Variants in PPM1H observed in about 807,000 individuals in gnomAD.
PPM1H encodes the protein protein phosphatase, Mg2+/Mn2+ dependent 1H, also known as protein phosphatase 1H.
A neutral mutation model predicts 54.9 loss-of-function variants in PPM1H; 27 were observed. The ratio of observed to expected loss-of-function variants is 0.49; its 90% CI spans 0.36 to 0.68. The LOEUF (loss-of-function observed/expected upper bound fraction) is 0.68. PPM1H is among the 30% of genes least tolerant of loss of function. The probability of loss-of-function intolerance (pLI) is 0.00; values close to 1 mark genes in which losing one functional copy is unlikely to be tolerated. For synonymous variants in PPM1H, 305 were observed against 270.8 expected (o/e 1.13, Z -1.24); for missense variants, 596 against 667.8 (o/e 0.89, Z 1.19).
At chr12:62,726,351 T>C (rs1315630315) in intron 5 of PPM1H, among the ~76,000 whole-genome samples, 2 of 152,204 alleles carry the variant, frequency 1.3e-5, no homozygotes, top group African/African-American at 2.4e-5. Flanking sequence ...TGTTTACACA[T>C]GTACAGTCAT....
intron 6 of PPM1H, among the ~76,000 whole-genome samples, chr12:62,717,826 C>T (rs1290402373): frequency 6.6e-6 from 1 of 152,140 alleles, no homozygotes; most frequent in Non-Finnish European, 1.5e-5. Flanking sequence ...AGTGACGATG[C>T]CTATTATCTC....
At chr12:62,761,072 C>T (rs1201083734) in intron 4 of PPM1H, among the ~76,000 whole-genome samples, 1 of 152,178 alleles carries the variant, frequency 6.6e-6, no homozygotes, top group Non-Finnish European at 1.5e-5. Context: ...CATGCAGGCT[C>T]CTTGACAGCA....
chr12:62,652,635 G>A (rs908329464), intron 9 of PPM1H, among the ~76,000 whole-genome samples: 5 of 152,082 alleles, frequency 3.3e-5, no homozygotes, highest in Non-Finnish European at 7.4e-5. Flanking sequence ...GATTGGAAGT[G>A]TTATTTCTAT....
At chr12:62,737,738 T>C (rs773839046) in intron 4 of PPM1H, among the ~76,000 whole-genome samples, 152 bp from the exon 5 acceptor site, 2 of 152,186 alleles carry the variant, frequency 1.3e-5, no homozygotes, top group Non-Finnish European at 2.9e-5. Context: ...CAGCTCTGAA[T>C]CCCTCACCAC....
intron 6 of PPM1H, among the ~76,000 whole-genome samples, chr12:62,717,415 T>C (rs1219254849): frequency 1.3e-5 from 2 of 151,770 alleles, no homozygotes; most frequent in Non-Finnish European, 2.9e-5. Flanking sequence ...AATAGCCCAT[T>C]TGTGGACTGT....
chr12:62,679,522 TTG>T (rs904659134), intron 8 of PPM1H, among the ~76,000 whole-genome samples: 3 of 152,294 alleles, frequency 2.0e-5, no homozygotes, highest in Admixed American at 2.0e-4. Flanking sequence ...GATACATGTT[TTG>T]TGAGGTCTGA....
intron 4 of PPM1H, among the ~76,000 whole-genome samples, chr12:62,763,531 T>C (rs551683741): frequency 6.6e-6 from 1 of 152,310 alleles, no homozygotes; most frequent in African/African-American, 2.4e-5. Flanking sequence ...ACAACACAAA[T>C]TGCTACAACC....
In PPM1H at chr12:62,664,051, GC is replaced by G. The variant is rs573718476; in HGVS notation, c.1397+3126del. On this transcript the variant is annotated intron_variant, in intron 9 of 9. Coordinates refer to ENST00000228705, the MANE Select transcript of PPM1H (RefSeq NM_020700.2). ...TATGCGAAGAATATAGACCGAACTA[GC>G]CAAGTAACACAAGTCAGCCCTTAGG... is the stretch of plus-strand genomic sequence containing the variant. Among the ~76,000 whole-genome samples, 34 of 150,106 alleles carry G rather than the reference GC, an allele frequency of 2.3e-4. 1 individual carries two copies. Among genetic ancestry groups the G allele is most frequent in the Middle Eastern group, 3.4e-3 (1 of 292 alleles).
chr12:62,726,727 G>T (rs912597298), intron 5 of PPM1H, among the ~76,000 whole-genome samples: 16 of 152,216 alleles, frequency 1.1e-4, no homozygotes, highest in African/African-American at 3.6e-4. Context: ...GGCCTGCCCA[G>T]AATTCAGGTG....
chr12:62,760,227 G>T (rs569917964), intron 4 of PPM1H, among the ~76,000 whole-genome samples: 3 of 152,114 alleles, frequency 2.0e-5, no homozygotes, highest in Non-Finnish European at 4.4e-5. Flanking sequence ...ATGGTCTGAG[G>T]TGCCTGACGT....
intron 2 of PPM1H, among the ~76,000 whole-genome samples, chr12:62,823,184 A>G (rs1276911930): frequency 1.3e-5 from 2 of 152,206 alleles, no homozygotes; most frequent in African/African-American, 4.8e-5. Context: ...CCCTCCCAAG[A>G]CTAAATTGGG....
In PPM1H at chr12:62,867,564, A is replaced by ATTTTTTTTTTTTT. The variant is rs34772338; in HGVS notation, c.246-35298_246-35286dup. Among the ~76,000 whole-genome samples, 110 of 55,364 alleles carry ATTTTTTTTTTTTT rather than the reference A, an allele frequency of 2.0e-3. 21 individuals carry two copies. Among genetic ancestry groups the ATTTTTTTTTTTTT allele is most frequent in the African/African-American group, 3.6e-3 (56 of 15,602 alleles). 36.3% of individuals were successfully genotyped at this position (55,364 alleles called of 152,430 possible). A position where few individuals can be genotyped will look rare whatever the true frequency, so the allele number is the denominator to read the frequency against. Reference sequence around the variant, plus strand: ...TCCTGAAATACATCTTATGAGCACTATTTTTTTTTTTTTTTTTTTTTTTTT... The same window carrying ATTTTTTTTTTTTT: ...TCCTGAAATACATCTTATGAGCACTATTTTTTTTTTTTTTTTTTTTTTTTTTTTTTTTTTTTTT... On this transcript the variant is annotated intron_variant, in intron 1 of 9. Transcript: ENST00000228705.
intron 1 of PPM1H, among the ~76,000 whole-genome samples, chr12:62,924,243 T>C (rs553483412): frequency 2.6e-5 from 4 of 152,286 alleles, no homozygotes; most frequent in South Asian, 4.1e-4. Flanking sequence ...TCGACAACTG[T>C]AGGCAGTTCA....
intron 1 of PPM1H, among the ~76,000 whole-genome samples, chr12:62,864,406 C>T (rs1465712730): frequency 6.6e-6 from 1 of 152,126 alleles, no homozygotes; most frequent in Non-Finnish European, 1.5e-5. Flanking sequence ...GAGTGACTGG[C>T]CACTTAGCTG....
chr12:62,930,867 C>T (rs1199426197), intron 1 of PPM1H, among the ~76,000 whole-genome samples: 2 of 152,208 alleles, frequency 1.3e-5, no homozygotes, highest in African/African-American at 4.8e-5. Context: ...AGCTTTACAA[C>T]CTTGCAAATA....
intron 1 of PPM1H, among the ~76,000 whole-genome samples, chr12:62,922,489 T>C (rs909732533): frequency 5.9e-5 from 9 of 152,158 alleles, no homozygotes; most frequent in Non-Finnish European, 1.0e-4. Flanking sequence ...AACAGATGCT[T>C]ACCTTTAAGC....
Position 62,932,118 on chromosome 12 carries a change from A to G in PPM1H, c.245+2374T>C, listed in dbSNP as rs538820795. ...TTTTTTTAAATAGGTCTTTGCTTGA[A>G]TTATCACACATGTATTATTTTTGCC... On this transcript the variant is annotated intron_variant, in intron 1 of 9. Transcript: ENST00000228705. Among the ~76,000 whole-genome samples the G allele has an allele frequency of 1.2e-4, 18 of 150,502 alleles. No homozygotes were observed. In the South Asian group the frequency reaches 3.6e-3, roughly 30 times the overall value.
Position 62,689,805 on chromosome 12 carries a change from G to T in PPM1H, c.1139C>A (p.Ala380Asp), listed in dbSNP as rs1162772878. The change falls in exon 8 of 10, where the codon GCC becomes GAC. Residue 380 changes from alanine (A) to aspartate (D), a missense_variant and splice_region_variant. Transcript: ENST00000228705. ...FPLIYGEGKK[A>D]RVMATIGVTR... ...CACTCCAATAGTTGCCATTACCCGG[G>T]CCTAGGAGTATAAGCAGAGGGTCAT... 5.0e-6 allele frequency: 8 copies of T among 1,609,786 alleles called. No homozygotes were observed. Among genetic ancestry groups the T allele is most frequent in the East Asian group, 2.2e-5 (1 of 44,820 alleles).
At chr12:62,784,524 G>C (rs796892063) in intron 4 of PPM1H, among the ~76,000 whole-genome samples, 13 of 152,130 alleles carry the variant, frequency 8.5e-5, no homozygotes, top group African/African-American at 2.4e-4. Context: ...AAACTGTCAA[G>C]ATGTAAAAAA....
Sources: gnomAD v4.1 joint callset for allele counts (sites outside exome capture counted in the v4.1 genomes callset) on GRCh38, gnomAD v4.1.1 for gene constraint, MANE v1.5 for transcripts, NCBI Gene and HGNC (gene_info 2026-07-23, HGNC 2026-07-21) for gene names.